DDX60L: variants seen among roughly 807,000 people sequenced by gnomAD.
DDX60L encodes DExD/H-box 60 like, also known as probable ATP-dependent RNA helicase DDX60-like.
DDX60L carries 191 observed loss-of-function variants against 211.6 expected under a neutral mutation model. The ratio of observed to expected loss-of-function variants is 0.90; its 90% confidence interval spans 0.80 to 1.02. The LOEUF (loss-of-function observed/expected upper bound fraction) is 1.02. DDX60L is among the 50% of genes least tolerant of loss of function. DDX60L has a pLI of 0.00. For missense variants in DDX60L, 2,007 were observed against 1,984.1 expected (o/e 1.01, Z -0.22); for synonymous variants, 706 against 694.1 (o/e 1.02, Z -0.27).
intron 29 of DDX60L, among the ~76,000 whole-genome samples, chr4:168,388,828 TG>T: frequency 6.6e-6 from 1 of 152,220 alleles, no homozygotes; most frequent in East Asian, 1.9e-4. Flanking sequence ...GGCAACAGGC[TG>T]GTTTGAATGT....
chr4:168,446,530 C>T (rs1014328548), intron 9 of DDX60L, among the ~76,000 whole-genome samples: 3 of 152,192 alleles, frequency 2.0e-5, no homozygotes, highest in Non-Finnish European at 4.4e-5. Flanking sequence ...GAAAAAACTA[C>T]TTTAAAGTTC....
At chr4:168,453,362 A>G in intron 7 of DDX60L, 80 bp from the exon 8 acceptor site, 4 of 1,412,088 alleles carry the variant, frequency 2.8e-6, no homozygotes, top group Non-Finnish European at 3.8e-6. Context: ...CACGAAGATC[A>G]TATCTTCAAA....
intron 4 of DDX60L, among the ~76,000 whole-genome samples, chr4:168,464,443 A>ATTTTTTTT (rs34052527): frequency 2.9e-5 from 4 of 138,928 alleles, no homozygotes; most frequent in Non-Finnish European, 4.6e-5. Flanking sequence ...TTATAATTGT[A>ATTTTTTTT]TTTTTTTTTT....
chr4:168,406,055 A>G lies in DDX60L; in HGVS notation c.3108T>C (p.Ile1036=). The change falls in exon 24 of 38, where the codon ATT becomes ATC. Residue 1036 remains isoleucine (I), a synonymous_variant. Coordinates refer to ENST00000682922, the MANE Select transcript of DDX60L (RefSeq NM_001012967.3). ...RAQELCPEEF[I]LFKNKIVIKK... ...TAATGACTATCTTATTCTTAAAAAG[A>G]ATGAATTCCTCTGGACACAATTCCT... is the stretch of plus-strand genomic sequence containing the variant. 2 of 1,599,782 alleles carry G rather than the reference A, an allele frequency of 1.3e-6. No homozygotes were observed. The highest frequency in any genetic ancestry group is 8.5e-7 in the Non-Finnish European group (1 of 1,175,346).
At chr4:168,360,061 T>C (rs1397596870) in intron 37 of DDX60L, among the ~76,000 whole-genome samples, 1 of 152,198 alleles carries the variant, frequency 6.6e-6, no homozygotes, top group Non-Finnish European at 1.5e-5. Flanking sequence ...ACATCTTCTA[T>C]AATGCTTTTT....
At position 168,420,343 on chromosome 4, in the gene DDX60L, C is replaced by T. The variant is rs747532164; in HGVS notation, c.2432G>A (p.Arg811His). 38 of 1,610,598 alleles carry T rather than the reference C, an allele frequency of 2.4e-5. No individual in the cohort carries two copies. Among genetic ancestry groups the T allele is most frequent in the Middle Eastern group, 3.3e-4 (2 of 6,080 alleles). Residue 811 changes from arginine (R) to histidine (H), a missense_variant, in exon 18 of 38, where the codon CGT becomes CAT. Physicochemically the swap from Arg to His is conservative, Grantham distance 29 (BLOSUM62 0). Coordinates refer to ENST00000682922, the MANE Select transcript of DDX60L (RefSeq NM_001012967.3). ...VGQVAATVEN[R>H]FTKTLPAGRT... The stretch of plus-strand genomic sequence containing the variant: ...GCCGGCAGGCAACGTTTTAGTAAAA[C>T]GATTCTCAACAGTTGCAGCCACTTG...
At chr4:168,456,804 T>A (rs1403949530) in intron 6 of DDX60L, among the ~76,000 whole-genome samples, 1 of 152,216 alleles carries the variant, frequency 6.6e-6, no homozygotes, top group African/African-American at 2.4e-5. Context: ...AATTTTGAAG[T>A]AATTTAAGTG....
At chr4:168,387,815 G>A (rs1744161395) in intron 29 of DDX60L, among the ~76,000 whole-genome samples, 1 of 152,164 alleles carries the variant, frequency 6.6e-6, no homozygotes, top group African/African-American at 2.4e-5. Context: ...GTTTATTAAG[G>A]ACCTTTAATG....
intron 35 of DDX60L, among the ~76,000 whole-genome samples, chr4:168,373,127 T>A (rs757676984): frequency 6.6e-6 from 1 of 152,206 alleles, no homozygotes; most frequent in South Asian, 2.1e-4. Flanking sequence ...GATGTGTGAC[T>A]CTCTGACCCA....
At chr4:168,389,672 T>C (rs546301588) in intron 29 of DDX60L, among the ~76,000 whole-genome samples, 3 of 152,350 alleles carry the variant, frequency 2.0e-5, no homozygotes, top group East Asian at 3.9e-4. Context: ...AACTTAGTTA[T>C]TGAGTGAGAA....
intron 27 of DDX60L, 74 bp from the exon 28 acceptor site, chr4:168,394,691 A>G (rs1178223277): frequency 7.3e-7 from 1 of 1,373,070 alleles, no homozygotes; most frequent in South Asian, 1.4e-5. Flanking sequence ...GAATCAAAGG[A>G]CATTTTCACA....
intron 8 of DDX60L, among the ~76,000 whole-genome samples, chr4:168,450,478 A>C (rs1195139777): frequency 1.3e-5 from 2 of 152,124 alleles, no homozygotes; most frequent in African/African-American, 4.8e-5. Context: ...CCCTCAAAAA[A>C]AAAAAAAAAG....
Position 168,472,820 on chromosome 4 carries a change from A to G in DDX60L, c.-110-11T>C, listed in dbSNP as rs373068367. ...ATGTGAATGGCACCTCTGTAATAAA[A>G]GAAAAAATAGAACTGCAGTTATTCC... On this transcript the variant is annotated splice_polypyrimidine_tract_variant and intron_variant, in intron 1 of 37. Transcript: ENST00000682922. 2 of 990,154 alleles carry G rather than the reference A, an allele frequency of 2.0e-6. No individual in the cohort carries two copies. Among genetic ancestry groups the G allele is most frequent in the Non-Finnish European group, 2.9e-6 (2 of 687,350 alleles). 61.3% of individuals were successfully genotyped at this position (990,154 alleles called of 1,614,324 possible). A position where few individuals can be genotyped will look rare whatever the true frequency, so the allele number is the denominator to read the frequency against.
Position 168,415,700 on chromosome 4 carries a change from G to A in DDX60L, c.2826C>T (p.Leu942=), listed in dbSNP as rs1268507024. The change falls in exon 21 of 38, where the codon CTC becomes CTT. Residue 942 remains leucine, a synonymous_variant. Coordinates refer to ENST00000682922, the MANE Select transcript of DDX60L (RefSeq NM_001012967.3). ...ATTGATTTTTATATGAATGGTCTTGGAGAAAGTTGAGACATTTGTCAGCCT... is the reference window on the plus strand; with the variant it reads ...ATTGATTTTTATATGAATGGTCTTGAAGAAAGTTGAGACATTTGTCAGCCT... ...EKQADKCLNF[L]QDHSYKNQSY... The A allele has an allele frequency of 1.2e-6, 2 of 1,603,898 alleles. No homozygotes were observed. Among genetic ancestry groups the A allele is most frequent in the Non-Finnish European group, 1.7e-6 (2 of 1,174,258 alleles).
chr4:168,406,479 T>A, intron 23 of DDX60L, 123 bp downstream of exon 23: 1 of 675,174 alleles, frequency 1.5e-6, no homozygotes, highest in Non-Finnish European at 2.5e-6. Flanking sequence ...AACTGATTAT[T>A]TCAAAATAGC....
At chr4:168,388,842 G>T (rs1194729335) in intron 29 of DDX60L, among the ~76,000 whole-genome samples, 1 of 152,138 alleles carries the variant, frequency 6.6e-6, no homozygotes, top group African/African-American at 2.4e-5. Context: ...TTGAATGTAG[G>T]CAGAATCAAG....
Position 168,400,997 on chromosome 4 carries a change from A to T in DDX60L, c.3339-19T>A. Reference sequence around the variant, plus strand: ...CTTAAACCTTAAAACAAATGAAAACAGTGCTTTGAAAAGACTATGTTTCTA... The same window carrying T: ...CTTAAACCTTAAAACAAATGAAAACTGTGCTTTGAAAAGACTATGTTTCTA... On this transcript the variant is annotated intron_variant, in intron 25 of 37. Transcript: ENST00000682922. The T allele has an allele frequency of 6.2e-7, 1 of 1,604,408 alleles. No homozygotes were observed. Among genetic ancestry groups the T allele is most frequent in the East Asian group, 2.2e-5 (1 of 44,740 alleles).
chr4:168,477,874 G>T (rs568275186), intron 1 of DDX60L, among the ~76,000 whole-genome samples: 1 of 152,300 alleles, frequency 6.6e-6, no homozygotes, highest in Non-Finnish European at 1.5e-5. Context: ...TATGACCAAG[G>T]AAGAATGGGA....
At chr4:168,459,469 A>C (rs1486914730) in intron 5 of DDX60L, among the ~76,000 whole-genome samples, 1 of 152,124 alleles carries the variant, frequency 6.6e-6, no homozygotes, top group Non-Finnish European at 1.5e-5. Flanking sequence ...TAAAGTCTAG[A>C]GGCCAGGCAC....
Sources: gnomAD v4.1 joint callset for allele counts (sites outside exome capture counted in the v4.1 genomes callset) on GRCh38, gnomAD v4.1.1 for gene constraint, MANE v1.5 for transcripts, NCBI Gene and HGNC (gene_info 2026-07-23, HGNC 2026-07-21) for gene names.